The following DPP6 variants were observed in gnomAD, a reference collection of about 807,000 sequenced individuals.
The protein encoded by DPP6 is A-type potassium channel modulatory protein DPP6.
In DPP6, 69 loss-of-function variants were observed where a neutral mutation model predicts 122.6. The observed-to-expected ratio is 0.56, with a 90% CI of 0.46 to 0.69. DPP6 has a LOEUF of 0.69. Ranked by LOEUF, DPP6 falls within the 30% of genes least tolerant of loss-of-function variation. The probability of loss-of-function intolerance (pLI) is 0.00; values close to 1 mark genes in which losing one functional copy is unlikely to be tolerated. For synonymous variants in DPP6, 418 were observed against 433.1 expected (o/e 0.97, Z 0.43); for missense variants, 928 against 1,116.9 (o/e 0.83, Z 2.41).
intron 1 of DPP6, among the ~76,000 whole-genome samples, chr7:154,063,915 T>C (rs1442296492): frequency 4.0e-5 from 6 of 151,556 alleles, no homozygotes; most frequent in Admixed American, 2.0e-4. Flanking sequence ...CTCCTGAGTC[T>C]CGGGAAGCCT....
At chr7:153,857,301 T>C in the DPP6 span, among the ~76,000 whole-genome samples, 1 of 148,082 alleles carries the variant, frequency 6.8e-6, no homozygotes, top group South Asian at 2.1e-4. Flanking sequence ...TATTAATATG[T>C]GTCCTTAGAA....
intron 16 of DPP6, among the ~76,000 whole-genome samples, chr7:154,822,181 G>T (rs146262981): frequency 1.3e-5 from 2 of 152,302 alleles, no homozygotes; most frequent in African/African-American, 4.8e-5. Context: ...CTGTTTCACT[G>T]ATATCTGTGC....
intron 1 of DPP6, among the ~76,000 whole-genome samples, chr7:154,260,409 T>C (rs1298834291): frequency 6.6e-6 from 1 of 152,112 alleles, no homozygotes; most frequent in Non-Finnish European, 1.5e-5. Flanking sequence ...CAGTATACAC[T>C]GCACTCAATT....
chr7:154,245,608 G>T (rs932489168), intron 1 of DPP6, among the ~76,000 whole-genome samples: 3 of 132,978 alleles, frequency 2.3e-5, no homozygotes, highest in African/African-American at 8.6e-5. Context: ...TGCACTCCAG[G>T]CCTGGGCAAC....
chr7:154,523,536 A>G lies in DPP6; in HGVS notation c.458-16996A>G, dbSNP rs182532926. On this transcript the variant is annotated intron_variant, in intron 3 of 25. Coordinates refer to ENST00000377770, the MANE Select transcript of DPP6 (RefSeq NM_130797.4). ...CATTACATTCCCAGGCCATATTCAAATTCCCTTATTCAGTCTCAAAATATT... is the reference window on the plus strand; with the variant it reads ...CATTACATTCCCAGGCCATATTCAAGTTCCCTTATTCAGTCTCAAAATATT... Among the ~76,000 whole-genome samples the G allele has an allele frequency of 7.2e-5, 11 of 152,312 alleles. No individual in the cohort carries two copies. The East Asian group carries it at 2.1e-3, about 29-fold the overall frequency.
chr7:153,759,884 C>T, the DPP6 span, among the ~76,000 whole-genome samples: 1 of 151,474 alleles, frequency 6.6e-6, no homozygotes, highest in Admixed American at 6.6e-5. Flanking sequence ...CAAATATTTC[C>T]CTGCTTCCAC....
At chr7:154,583,557 C>T (rs562557848) in intron 5 of DPP6, among the ~76,000 whole-genome samples, 98 of 152,294 alleles carry the variant, frequency 6.4e-4, no homozygotes, top group Non-Finnish European at 1.2e-3. Context: ...ACTACTGCAT[C>T]GGCTGCTGCC....
Position 154,892,548 on chromosome 7 carries a change from C to A in DPP6, c.*68C>A. 2 of 1,596,424 alleles carry A rather than the reference C, an allele frequency of 1.3e-6. No homozygotes were observed. The highest frequency in any genetic ancestry group is 1.7e-6 in the Non-Finnish European group (2 of 1,169,920). On this transcript the variant is annotated 3_prime_UTR_variant, in exon 26 of 26. Transcript: ENST00000377770. ...AGATGCAACCGAGGGATTTCCCTGC[C>A]CTCCCTCTTCCCTCGGAGGGGCGGG...
chr7:154,534,161 CA>C (rs1332188019), intron 3 of DPP6, among the ~76,000 whole-genome samples: 1 of 151,966 alleles, frequency 6.6e-6, no homozygotes, highest in Non-Finnish European at 1.5e-5. Context: ...AATAGCTGCA[CA>C]AAAGGCATTT....
intron 7 of DPP6, among the ~76,000 whole-genome samples, chr7:154,694,725 C>T (rs1840119619): frequency 6.6e-6 from 1 of 152,214 alleles, no homozygotes; most frequent in Non-Finnish European, 1.5e-5. Flanking sequence ...CTTCTGATCT[C>T]TCAAGGCCCG....
chr7:154,486,632 C>T lies in DPP6; in HGVS notation c.457+11595C>T, dbSNP rs143416936. On this transcript the variant is annotated intron_variant, in intron 3 of 25. Transcript: ENST00000377770. This position sits in a 1 kb window ranked among gnomAD's most constrained non-coding sequence, Gnocchi z 4.5. ...GAATTAGTTGTGTACTCCACGATAC[C>T]GCAGTAGAACTTTACAAAACTTCAG... 1.3e-5 allele frequency among the ~76,000 whole-genome samples: 2 copies of T among 152,290 alleles called. No homozygotes were observed. Among genetic ancestry groups the T allele is most frequent in the South Asian group, 2.1e-4 (1 of 4,832 alleles).
intron 10 of DPP6, among the ~76,000 whole-genome samples, chr7:154,780,377 G>C (rs551322512): frequency 6.6e-6 from 1 of 152,342 alleles, no homozygotes; most frequent in African/African-American, 2.4e-5. Context: ...GTCATGGCCT[G>C]TGTTTGAAAG....
At chr7:154,646,017 G>A (rs1836447276) in intron 6 of DPP6, among the ~76,000 whole-genome samples, 1 of 33,194 alleles carries the variant, frequency 3.0e-5, no homozygotes, top group African/African-American at 8.5e-5. Context: ...GGCAGAGTGA[G>A]ACTCCGTCTC....
At chr7:154,747,243 A>G (rs1587007727) in intron 8 of DPP6, among the ~76,000 whole-genome samples, 2 of 152,164 alleles carry the variant, frequency 1.3e-5, no homozygotes, top group South Asian at 2.1e-4. Context: ...ATTTATTTTC[A>G]TTTGCATTCC....
chr7:154,845,551 ATATG>A (rs1181898450), intron 16 of DPP6, among the ~76,000 whole-genome samples: 1 of 152,198 alleles, frequency 6.6e-6, no homozygotes, highest in Non-Finnish European at 1.5e-5. Context: ...ATTAGGAGAT[ATATG>A]TAACGTAAAT....
intron 1 of DPP6, among the ~76,000 whole-genome samples, chr7:154,384,879 GT>G (rs1813950550): frequency 6.6e-6 from 1 of 151,978 alleles, no homozygotes; most frequent in Non-Finnish European, 1.5e-5. Flanking sequence ...CTCTGAAACT[GT>G]TACAGATGAT....
chr7:153,828,441 A>G, the DPP6 span, among the ~76,000 whole-genome samples: 4 of 152,292 alleles, frequency 2.6e-5, no homozygotes, highest in African/African-American at 9.6e-5. Context: ...ACCCCTTTGT[A>G]CTATGACTGC....
chr7:154,295,611 C>A (rs1183384194), intron 1 of DPP6, among the ~76,000 whole-genome samples: 1 of 151,168 alleles, frequency 6.6e-6, no homozygotes, highest in Non-Finnish European at 1.5e-5. Context: ...AACTGTCGTA[C>A]TTTCTTCCTC....
At chr7:154,883,882 T>TACACGCGGACAC (rs146025604) in intron 21 of DPP6, 1 of 84,674 alleles carries the variant, frequency 1.2e-5, no homozygotes, top group Non-Finnish European at 2.3e-5. Context: ...CCCACATACA[T>TACACGCGGACAC]ACATGCTCAC....
Sources: allele counts gnomAD v4.1 joint callset (sites outside exome capture counted in the v4.1 genomes callset), GRCh38; gene constraint gnomAD v4.1.1; non-coding constraint Gnocchi (gnomAD v3.1); transcripts MANE v1.5; gene names NCBI Gene and HGNC (gene_info 2026-07-23, HGNC 2026-07-21).